The following HS3ST5 variants were observed in gnomAD, a reference collection of about 807,000 sequenced individuals.
HS3ST5 encodes the protein heparan sulfate-glucosamine 3-sulfotransferase 5, also known as heparan sulfate glucosamine 3-O-sulfotransferase 5.
HS3ST5 carries 10 observed loss-of-function variants against 25.4 expected under a neutral mutation model. The observed-to-expected ratio is 0.39, with a 90% confidence interval of 0.24 to 0.67. The LOEUF (loss-of-function observed/expected upper bound fraction) is 0.67, where lower values mean the gene tolerates loss of function less well. Among genes scored for constraint, HS3ST5 ranks in the 30% least tolerant of loss-of-function variants. HS3ST5 has a pLI of 0.44. For synonymous variants in HS3ST5, 170 were observed against 162.4 expected, an observed-to-expected ratio of 1.05 and a Z score of -0.36; for missense variants, 324 against 420.7, an observed-to-expected ratio of 0.77 and a Z score of 2.01.
chr6:114,251,577 G>A (rs1219673653), intron 1 of HS3ST5: 1 of 152,200 alleles, frequency 6.6e-6, no homozygotes, highest in Non-Finnish European at 1.5e-5. Context: ...GTCTTTGGTA[G>A]TGGGCCCTGA....
At chr6:114,154,758 C>T (rs1234145108) in intron 3 of HS3ST5, among the ~76,000 whole-genome samples, 3 of 152,220 alleles carry the variant, frequency 2.0e-5, no homozygotes, top group East Asian at 3.9e-4. Context: ...ATTTTCTGGT[C>T]ATGTTGCTCC....
intron 3 of HS3ST5, among the ~76,000 whole-genome samples, chr6:114,111,857 A>G (rs1582613220): frequency 6.6e-6 from 1 of 151,542 alleles, no homozygotes; most frequent in African/African-American, 2.4e-5. Context: ...CTATTTTGAA[A>G]CCTCCTGCCT....
chr6:114,301,961 GT>G (rs1020167851), intron 1 of HS3ST5, among the ~76,000 whole-genome samples: 14 of 152,298 alleles, frequency 9.2e-5, no homozygotes, highest in Admixed American at 8.5e-4. Flanking sequence ...ACTGTAACGT[GT>G]ATTTATTAGA....
intron 1 of HS3ST5, among the ~76,000 whole-genome samples, chr6:114,295,838 G>A (rs991383229): frequency 2.6e-5 from 4 of 152,140 alleles, no homozygotes; most frequent in African/African-American, 9.7e-5. Context: ...TTCACAGCTT[G>A]TACAATCTTC....
chr6:114,280,704 T>C (rs532700577), intron 1 of HS3ST5, among the ~76,000 whole-genome samples: 1 of 152,176 alleles, frequency 6.6e-6, no homozygotes, highest in Non-Finnish European at 1.5e-5. Flanking sequence ...ACTTCATCTC[T>C]TCTCCTTTGG....
At chr6:114,096,703 A>T (rs939954264) in intron 3 of HS3ST5, among the ~76,000 whole-genome samples, 5 of 152,168 alleles carry the variant, frequency 3.3e-5, no homozygotes, top group African/African-American at 1.2e-4. Flanking sequence ...TAGTAAGGAA[A>T]GTAACTAACT....
At chr6:114,117,092 C>T (rs547564976) in intron 3 of HS3ST5, among the ~76,000 whole-genome samples, 43 of 152,126 alleles carry the variant, frequency 2.8e-4, no homozygotes, top group African/African-American at 9.9e-4. Flanking sequence ...CTCCCCATTC[C>T]GGCTGAATCC....
chr6:114,264,652 T>C (rs1424152427), intron 1 of HS3ST5, among the ~76,000 whole-genome samples: 1 of 152,170 alleles, frequency 6.6e-6, no homozygotes, highest in Non-Finnish European at 1.5e-5. Flanking sequence ...TTCATGTTCA[T>C]TCCATTAAGT....
In HS3ST5 at chr6:114,305,397, T is replaced by G. The variant is rs546932544; in HGVS notation, c.-339+36798A>C. Among the ~76,000 whole-genome samples the G allele has an allele frequency of 6.6e-4, 100 of 152,244 alleles. 1 individual carries two copies. Among genetic ancestry groups the G allele is most frequent in the African/African-American group, 2.3e-3 (97 of 41,566 alleles). ...GAAGTGACAGACTCACTATGTTATT[T>G]TTCAGAAAATGCATGTGAAATACCC... On this transcript the variant is annotated intron_variant, in intron 1 of 4. Coordinates refer to ENST00000312719, the MANE Select transcript of HS3ST5 (RefSeq NM_153612.4).
intron 2 of HS3ST5, among the ~76,000 whole-genome samples, chr6:114,220,989 CA>C (rs1159510129): frequency 6.6e-6 from 1 of 151,776 alleles, no homozygotes; most frequent in South Asian, 2.1e-4. Flanking sequence ...GAGTCAATTA[CA>C]AAAAAACATA....
intron 1 of HS3ST5, among the ~76,000 whole-genome samples, chr6:114,294,974 C>T (rs1045652365): frequency 2.6e-5 from 4 of 152,050 alleles, no homozygotes; most frequent in Admixed American, 2.6e-4. Flanking sequence ...AGCTTAATAT[C>T]ATTAATATTA....
At chr6:114,086,629 TA>T (rs1346054060) in intron 3 of HS3ST5, among the ~76,000 whole-genome samples, 1 of 152,242 alleles carries the variant, frequency 6.6e-6, no homozygotes, top group Non-Finnish European at 1.5e-5. Flanking sequence ...TATCTGCTAA[TA>T]AATGGATGTT....
chr6:114,082,283 T>G (rs189245902), intron 3 of HS3ST5, among the ~76,000 whole-genome samples: 140 of 152,340 alleles, frequency 9.2e-4, no homozygotes, highest in African/African-American at 3.3e-3. Context: ...ATCCTAATGA[T>G]CAGCTGTTGA....
intron 1 of HS3ST5, among the ~76,000 whole-genome samples, chr6:114,232,696 A>T (rs1771655453): frequency 6.6e-6 from 1 of 152,186 alleles, no homozygotes; most frequent in Admixed American, 6.5e-5. Context: ...AAGGAATCAG[A>T]GCAGATTTGT....
At chr6:114,211,431 G>A (rs891703205) in intron 2 of HS3ST5, among the ~76,000 whole-genome samples, 4 of 152,044 alleles carry the variant, frequency 2.6e-5, no homozygotes. Flanking sequence ...TATTTCCAGA[G>A]AGCCACTGGT....
intron 1 of HS3ST5, among the ~76,000 whole-genome samples, chr6:114,314,794 T>A (rs1402471159): frequency 2.6e-5 from 4 of 152,230 alleles, no homozygotes; most frequent in African/African-American, 7.2e-5. Flanking sequence ...TAGGTACACA[T>A]GAAAGCTTAC....
At chr6:114,273,937 C>A (rs1397616065) in intron 1 of HS3ST5, among the ~76,000 whole-genome samples, 2 of 151,054 alleles carry the variant, frequency 1.3e-5, no homozygotes, top group African/African-American at 2.4e-5. Context: ...AGAAGTAGGG[C>A]AAAGAAGAAA....
At chr6:114,158,437 C>T (rs114852303) in intron 3 of HS3ST5, among the ~76,000 whole-genome samples, 1,875 of 152,202 alleles carry the variant, frequency 0.012, 38 homozygotes, top group African/African-American at 0.038. Context: ...GTATTTATCA[C>T]GGGTAGACTT....
intron 1 of HS3ST5, among the ~76,000 whole-genome samples, chr6:114,240,184 C>G (rs978010191): frequency 6.6e-6 from 1 of 152,124 alleles, no homozygotes; most frequent in South Asian, 2.1e-4. Flanking sequence ...CATTCTATAA[C>G]TTTAATCAAA....
Sources: allele counts gnomAD v4.1 joint callset (sites outside exome capture counted in the v4.1 genomes callset), GRCh38; gene constraint gnomAD v4.1.1; transcripts MANE v1.5; gene names NCBI Gene and HGNC (gene_info 2026-07-23, HGNC 2026-07-21).